The following CD226 variants were observed in gnomAD, a reference collection of about 807,000 sequenced individuals.
The protein encoded by CD226 is CD226 antigen.
CD226 carries 24 observed loss-of-function variants against 34.9 expected under a neutral mutation model. That is an observed-to-expected ratio of 0.69 (90% CI 0.50 to 0.97). CD226 has a LOEUF of 0.97. Ranked by LOEUF, CD226 falls within the 50% of genes least tolerant of loss-of-function variation. The pLI, the probability that CD226 is intolerant of heterozygous loss-of-function variation, is 0.00. For missense variants in CD226, 397 were observed against 412.7 expected, an observed-to-expected ratio of 0.96 and a Z score of 0.33; for synonymous variants, 148 against 147.4, an observed-to-expected ratio of 1.00 and a Z score of -0.03.
At chr18:69,936,380 T>A (rs80309668) in intron 2 of CD226, among the ~76,000 whole-genome samples, 3,650 of 152,290 alleles carry the variant, frequency 0.024, 138 homozygotes, top group African/African-American at 0.082. Context: ...CTGGTAACCA[T>A]CCACTTTCAG....
intron 2 of CD226, among the ~76,000 whole-genome samples, chr18:69,896,689 G>T (rs1203644042): frequency 6.6e-6 from 1 of 152,176 alleles, no homozygotes; most frequent in Non-Finnish European, 1.5e-5. Flanking sequence ...CAAAGAGACT[G>T]TTAGGCAATA....
At chr18:69,959,265 T>C (rs1218138679), upstream of CD226, among the ~76,000 whole-genome samples, 1 of 152,170 alleles carries the variant, frequency 6.6e-6, no homozygotes, top group African/African-American at 2.4e-5. Flanking sequence ...GCAGAACAAA[T>C]GGACGTAAAG....
At chr18:69,941,338 C>G (rs1034896120) in intron 2 of CD226, among the ~76,000 whole-genome samples, 1 of 152,338 alleles carries the variant, frequency 6.6e-6, no homozygotes, top group African/African-American at 2.4e-5. Flanking sequence ...GATCCACAGA[C>G]GGCTTGCACC....
intron 2 of CD226, among the ~76,000 whole-genome samples, chr18:69,897,897 A>G (rs898613027): frequency 2.0e-5 from 3 of 152,144 alleles, no homozygotes; most frequent in African/African-American, 7.2e-5. Context: ...AAAGAAAACC[A>G]CAGCACTCCA....
chr18:69,943,071 C>G (rs1003920128), intron 2 of CD226, among the ~76,000 whole-genome samples: 1 of 152,210 alleles, frequency 6.6e-6, no homozygotes, highest in African/African-American at 2.4e-5. Flanking sequence ...AGCTTGATAA[C>G]CTTGGACAAG....
At chr18:69,923,625 G>A (rs2055481430) in intron 2 of CD226, among the ~76,000 whole-genome samples, 1 of 152,194 alleles carries the variant, frequency 6.6e-6, no homozygotes, top group African/African-American at 2.4e-5. Flanking sequence ...CTCGATAGAA[G>A]TGACACATCT....
intron 2 of CD226, among the ~76,000 whole-genome samples, chr18:69,937,927 T>C (rs2055674928): frequency 6.6e-6 from 1 of 152,174 alleles, no homozygotes; most frequent in Admixed American, 6.5e-5. Flanking sequence ...CCAGCAGATA[T>C]ATACAAGAAT....
chr18:69,880,820 T>C (rs1346469886), intron 3 of CD226, among the ~76,000 whole-genome samples: 1 of 151,976 alleles, frequency 6.6e-6, no homozygotes, highest in African/African-American at 2.4e-5. Context: ...CCCAGCTAAT[T>C]TTTATATTTT....
rs531730879 is a variant in CD226 at position 69,869,925 on chromosome 18, T to A, written c.831-2514A>T. ...AAGTGATTCTCCTGCCTCAGCCTCC[T>A]GAGTAGCTGGGATTACAGGCGCCCG... On this transcript the variant is annotated intron_variant, in intron 4 of 5. Transcript: ENST00000582621. Among the ~76,000 whole-genome samples the A allele has an allele frequency of 2.6e-3, 399 of 150,874 alleles. 2 individuals carry two copies. Among genetic ancestry groups the A allele is most frequent in the African/African-American group, 9.3e-3 (381 of 41,154 alleles).
intron 2 of CD226, among the ~76,000 whole-genome samples, chr18:69,924,692 C>CAAAAAAAAAAAAAAAAAAAAAAAAAAA (rs56118102): frequency 1.8e-5 from 1 of 57,108 alleles, no homozygotes; most frequent in Non-Finnish European, 3.1e-5. Flanking sequence ...AAGGTATTGC[C>CAAAAAAAAAAAAAAAAAAAAAAAAAAA]AAAAAAAAAA....
intron 3 of CD226, among the ~76,000 whole-genome samples, chr18:69,884,200 A>C (rs1027013156): frequency 6.6e-6 from 1 of 152,132 alleles, no homozygotes; most frequent in Non-Finnish European, 1.5e-5. Flanking sequence ...CCTGTCTCTA[A>C]AACAAAACAA....
chr18:69,955,122 G>T (rs2145386859), intron 1 of CD226, among the ~76,000 whole-genome samples: 1 of 151,806 alleles, frequency 6.6e-6, no homozygotes, highest in Non-Finnish European at 1.5e-5. Flanking sequence ...GCCTGGGTGG[G>T]TGGGGACGGG....
chr18:69,948,904 A>T (rs2055822886), upstream of CD226, among the ~76,000 whole-genome samples: 1 of 152,232 alleles, frequency 6.6e-6, no homozygotes, highest in Non-Finnish European at 1.5e-5. Context: ...TTATTGTAGC[A>T]AAACATGATC....
rs558833582 is a variant in CD226, at chr18:69,921,036, T to C, written c.383-24991A>G. On this transcript the variant is annotated intron_variant, in intron 2 of 5. Transcript: ENST00000582621. ...GTCACAGGACGCAATTGCTCAGTTCTTCATGCCGAGGCAATGAAAACTTAT... is the reference window on the plus strand; with the variant it reads ...GTCACAGGACGCAATTGCTCAGTTCCTCATGCCGAGGCAATGAAAACTTAT... 2.6e-5 allele frequency among the ~76,000 whole-genome samples: 4 copies of C among 152,344 alleles called. No homozygotes were observed. In the South Asian group the frequency reaches 6.2e-4, roughly 24 times the overall value.
At chr18:69,954,343 G>C (rs572914479) in intron 1 of CD226, among the ~76,000 whole-genome samples, 1 of 152,198 alleles carries the variant, frequency 6.6e-6, no homozygotes, top group Admixed American at 6.5e-5. Context: ...GATAGTCGAG[G>C]TTGTCAGATA....
rs530121554 is a variant in CD226, at chr18:69,895,601, G to T, written c.727+100C>A. The T allele has an allele frequency of 6.5e-4, 537 of 831,662 alleles. 1 individual carries two copies. The highest frequency in any genetic ancestry group is 9.6e-4 in the Admixed American group (42 of 43,698). The allele number at this position is 831,662 out of a possible 1,614,324, so 51.5% of individuals were successfully genotyped here. A position where few individuals can be genotyped will look rare whatever the true frequency, so the allele number is the denominator to read the frequency against. On this transcript the variant is annotated intron_variant, in intron 3 of 5. Coordinates refer to ENST00000582621, the MANE Select transcript of CD226 (RefSeq NM_001303618.2). ...CCATTTAAAAAAATGCTGAATATGC[G>T]CATTAAATGAACATGTTTACCATAA...
At chr18:69,870,638 G>A (rs1629663) in intron 4 of CD226, among the ~76,000 whole-genome samples, 9,095 of 152,106 alleles carry the variant, frequency 0.06, 791 homozygotes, top group African/African-American at 0.19. Flanking sequence ...TCACTTAGTC[G>A]TGTTACTGTT....
At chr18:69,894,887 A>C (rs1249605650) in intron 3 of CD226, among the ~76,000 whole-genome samples, 1 of 151,880 alleles carries the variant, frequency 6.6e-6, no homozygotes, top group African/African-American at 2.4e-5. Context: ...AAGTGGATCT[A>C]GGTTTTGCAG....
intron 2 of CD226, among the ~76,000 whole-genome samples, chr18:69,902,835 A>C (rs1277579849): frequency 6.6e-6 from 1 of 152,078 alleles, no homozygotes; most frequent in Non-Finnish European, 1.5e-5. Context: ...TACACTAGCT[A>C]ATTAGAAATG....
Sources: allele counts gnomAD v4.1 joint callset (sites outside exome capture counted in the v4.1 genomes callset), GRCh38; gene constraint gnomAD v4.1.1; transcripts MANE v1.5; gene names NCBI Gene and HGNC (gene_info 2026-07-23, HGNC 2026-07-21).